The following GPSM1 variants were observed in gnomAD, a reference collection of about 807,000 sequenced individuals.
GPSM1 encodes the protein G protein-signaling modulator 1.
GPSM1 carries 48 observed loss-of-function variants against 70.5 expected under a neutral mutation model. The ratio of observed to expected loss-of-function variants is 0.68; its 90% CI spans 0.54 to 0.87. The LOEUF is 0.87. Ranked by LOEUF, GPSM1 falls within the 40% of genes least tolerant of loss-of-function variation. GPSM1 has a pLI of 0.00. For missense variants in GPSM1, 981 were observed against 972.6 expected, an observed-to-expected ratio of 1.01 and a Z score of -0.11; for synonymous variants, 416 against 430.1, an observed-to-expected ratio of 0.97 and a Z score of 0.41.
At chr9:136,331,106 A>G (rs1235966276) in intron 1 of GPSM1, among the ~76,000 whole-genome samples, 2 of 151,932 alleles carry the variant, frequency 1.3e-5, no homozygotes, top group African/African-American at 4.8e-5. Context: ...CAGCCTCCTC[A>G]TGGGCCACAG....
intron 1 of GPSM1, 29 bp from the exon 2 acceptor site, chr9:136,334,418 G>C (rs367822895): frequency 3.2e-5 from 50 of 1,576,644 alleles, no homozygotes; most frequent in Non-Finnish European, 3.6e-5. Flanking sequence ...TGCCAGGGCT[G>C]GGCCATGACG....
At chr9:136,356,686 C>G (rs1832839263) in intron 13 of GPSM1, 136 bp downstream of exon 13, 1 of 657,416 alleles carries the variant, frequency 1.5e-6, no homozygotes, top group African/African-American at 1.8e-5. Context: ...TCCTGGGGGA[C>G]TCAGCCAGTG....
intron 9 of GPSM1, among the ~76,000 whole-genome samples, chr9:136,344,152 G>A (rs1262518290): frequency 6.6e-6 from 1 of 150,458 alleles, no homozygotes; most frequent in Non-Finnish European, 1.5e-5. Flanking sequence ...AACGGGGGAG[G>A]TGCGGACAGG....
intron 11 of GPSM1, chr9:136,355,466 G>A (rs1832786685): frequency 1.8e-5 from 1 of 56,264 alleles, no homozygotes; most frequent in Non-Finnish European, 2.9e-5. Context: ...CTGGGGGAGG[G>A]GTAGCCGGGT....
intron 2 of GPSM1, 57 bp from the exon 3 acceptor site, chr9:136,335,909 G>T: frequency 6.4e-7 from 1 of 1,571,038 alleles, no homozygotes. Flanking sequence ...GCCTCCCCCC[G>T]GGCCCAGAGG....
intron 1 of GPSM1, among the ~76,000 whole-genome samples, chr9:136,330,045 G>A (rs1308801653): frequency 6.6e-6 from 1 of 152,110 alleles, no homozygotes; most frequent in Non-Finnish European, 1.5e-5. Context: ...TCAGAATTCT[G>A]GCCCACTTGC....
At chr9:136,328,674 TGGCGGCAC>T (rs1186597042) in intron 1 of GPSM1, among the ~76,000 whole-genome samples, 1 of 152,160 alleles carries the variant, frequency 6.6e-6, no homozygotes, top group African/African-American at 2.4e-5. Context: ...GAGGTACTGG[TGGCGGCAC>T]GGCGGACAGA....
At chr9:136,357,834 C>T (rs982661525) in intron 13 of GPSM1, among the ~76,000 whole-genome samples, 180 bp from the exon 14 acceptor site, 4 of 152,232 alleles carry the variant, frequency 2.6e-5, no homozygotes, top group Non-Finnish European at 2.9e-5. Context: ...AGACTGCGCT[C>T]AGGGCCCGGG....
rs1162185396 is a variant in GPSM1 at position 136,334,757 on chromosome 9, C to T, written c.290+89C>T. ...CGGCCCTGCTGGTGGGTGAGTGGGG[C>T]GGCCCTGCTGGCGCGGTGAGTGGGG... On this transcript the variant is annotated intron_variant, in intron 2 of 13. Coordinates refer to ENST00000440944, the MANE Select transcript of GPSM1 (RefSeq NM_001145638.3). 69 of 1,073,372 alleles carry T rather than the reference C, an allele frequency of 6.4e-5. No homozygotes were observed. The Middle Eastern group carries it at 9.2e-4, about 14-fold the overall frequency. 66.5% of individuals were successfully genotyped at this position (1,073,372 alleles called of 1,614,324 possible). A position where few individuals can be genotyped will look rare whatever the true frequency, so the allele number is the denominator to read the frequency against.
intron 11 of GPSM1, among the ~76,000 whole-genome samples, chr9:136,351,660 C>A (rs1249838646): frequency 6.6e-6 from 1 of 152,120 alleles, no homozygotes; most frequent in Non-Finnish European, 1.5e-5. Context: ...ACTCTGGAGG[C>A]CTTGGCCAGG....
At chr9:136,332,248 G>A (rs1421261271) in intron 1 of GPSM1, 3 of 398,402 alleles carry the variant, frequency 7.5e-6, no homozygotes, top group East Asian at 3.6e-5. Flanking sequence ...GGGATGAGTG[G>A]AGGGGACACC....
intron 7 of GPSM1, 69 bp from the exon 8 acceptor site, chr9:136,339,638 A>G (rs1832336411): frequency 7.3e-6 from 8 of 1,099,696 alleles, no homozygotes; most frequent in Non-Finnish European, 1.1e-5. Flanking sequence ...CGTGACCACC[A>G]GGGGAGGGGC....
At chr9:136,354,702 C>T in intron 11 of GPSM1, 2 of 502,540 alleles carry the variant, frequency 4.0e-6, no homozygotes, top group Non-Finnish European at 5.1e-6. Flanking sequence ...CTTGGGGGGC[C>T]ACAGGAGACC....
In GPSM1 at chr9:136,338,594, A is replaced by G. The variant is rs782043421; in HGVS notation, c.858A>G (p.Ala286=). 1 of 1,611,314 alleles carries G rather than the reference A, an allele frequency of 6.2e-7. No homozygotes were observed. The highest frequency in any genetic ancestry group is 8.5e-7 in the Non-Finnish European group (1 of 1,179,452). The change falls in exon 7 of 14, where the codon GCA becomes GCG. Residue 286 remains alanine, a synonymous_variant. Coordinates refer to ENST00000440944, the MANE Select transcript of GPSM1 (RefSeq NM_001145638.3). ...LQLSRQLRDQ[A]VEAQACYSLG... The stretch of plus-strand genomic sequence containing the variant: ...TGTCTCGGCAGCTCAGGGACCAGGC[A>G]GTGGAGGCGCAGGCCTGCTACAGTC...
At chr9:136,339,375 G>A (rs782264444) in intron 7 of GPSM1, among the ~76,000 whole-genome samples, 13 of 152,266 alleles carry the variant, frequency 8.5e-5, no homozygotes, top group Admixed American at 2.6e-4. Context: ...GAGGCTTGCC[G>A]GCCGCCAGGG....
intron 13 of GPSM1, among the ~76,000 whole-genome samples, chr9:136,357,696 G>A (rs11787792): frequency 0.7 from 105,812 of 152,192 alleles, 37,230 homozygotes; most frequent in East Asian, 0.94. Flanking sequence ...TGGGGAGCAG[G>A]CATCCAACGC....
chr9:136,349,483 G>A (rs550457706), intron 10 of GPSM1, 104 bp from the exon 11 acceptor site: 15 of 1,011,156 alleles, frequency 1.5e-5, no homozygotes, highest in South Asian at 9.9e-5. Context: ...CACCTACGGC[G>A]TGCATCCATG....
At chr9:136,355,884 G>C (rs782680132) in intron 12 of GPSM1, 38 bp downstream of exon 12, 4 of 1,544,176 alleles carry the variant, frequency 2.6e-6, no homozygotes, top group South Asian at 2.3e-5. Context: ...CCTTGGGCTT[G>C]TCTGCAGGGG....
At chr9:136,328,116 A>AAAGAG (rs1170257915) in intron 1 of GPSM1, among the ~76,000 whole-genome samples, 2 of 152,148 alleles carry the variant, frequency 1.3e-5, no homozygotes, top group Non-Finnish European at 2.9e-5. Flanking sequence ...CATCATGGCC[A>AAAGAG]AAGAGACCTG....
Sources: allele counts gnomAD v4.1 joint callset (sites outside exome capture counted in the v4.1 genomes callset), GRCh38; gene constraint gnomAD v4.1.1; transcripts MANE v1.5; gene names NCBI Gene and HGNC (gene_info 2026-07-23, HGNC 2026-07-21).